Variants in KIAA1217 observed in about 807,000 individuals in gnomAD.
KIAA1217 encodes KIAA1217.
Under a neutral mutation model 163.9 loss-of-function variants are expected in KIAA1217, and 88 were observed. The ratio of observed to expected loss-of-function variants is 0.54; its 90% CI spans 0.45 to 0.64. The LOEUF (loss-of-function observed/expected upper bound fraction) is 0.64, where lower values mean the gene tolerates loss of function less well. Ranked by LOEUF, KIAA1217 falls within the 30% of genes least tolerant of loss-of-function variation. KIAA1217 has a pLI of 0.00. For missense variants in KIAA1217, 2,372 were observed against 2,475.0 expected, an observed-to-expected ratio of 0.96 and a Z score of 0.88; for synonymous variants, 903 against 923.1, an observed-to-expected ratio of 0.98 and a Z score of 0.39.
intron 2 of KIAA1217, among the ~76,000 whole-genome samples, chr10:24,347,606 T>C (rs1452021343): frequency 6.6e-6 from 1 of 152,202 alleles, no homozygotes; most frequent in Non-Finnish European, 1.5e-5. Flanking sequence ...ATATTTTGTT[T>C]TCATAGCTGG....
intron 1 of KIAA1217, among the ~76,000 whole-genome samples, chr10:23,832,928 C>A (rs1838279556): frequency 6.6e-6 from 1 of 152,046 alleles, no homozygotes; most frequent in Admixed American, 6.6e-5. Flanking sequence ...TGAAAAACGT[C>A]CGATCTCATG....
intron 2 of KIAA1217, among the ~76,000 whole-genome samples, chr10:24,304,956 G>A (rs1366828022): frequency 1.3e-5 from 2 of 152,076 alleles, no homozygotes; most frequent in African/African-American, 4.8e-5. Context: ...AGAGCCCAGG[G>A]TACAGTGATG....
chr10:24,234,341 T>C (rs2071878227), intron 2 of KIAA1217, among the ~76,000 whole-genome samples: 2 of 151,894 alleles, frequency 1.3e-5, no homozygotes, highest in African/African-American at 4.8e-5. Context: ...TTACTCAACC[T>C]GTAATGAGCG....
At chr10:24,377,069 G>C (rs760094280) in intron 2 of KIAA1217, among the ~76,000 whole-genome samples, 19 of 152,166 alleles carry the variant, frequency 1.2e-4, no homozygotes, top group Non-Finnish European at 5.9e-5. Context: ...GGAGAGAGCT[G>C]CATTGAGCCA....
intron 2 of KIAA1217, among the ~76,000 whole-genome samples, chr10:24,196,195 CTTACA>C (rs2066983143): frequency 6.6e-6 from 1 of 151,208 alleles, no homozygotes; most frequent in African/African-American, 2.5e-5. Flanking sequence ...TTGGAGCATA[CTTACA>C]TTAAAGGCTT....
intron 2 of KIAA1217, among the ~76,000 whole-genome samples, chr10:24,323,112 G>T (rs1044825658): frequency 1.6e-5 from 2 of 122,512 alleles, no homozygotes; most frequent in South Asian, 6.6e-4. Context: ...ACCATGCCCA[G>T]CTAATTAAAA....
At chr10:24,336,438 A>C (rs2046366629) in intron 2 of KIAA1217, among the ~76,000 whole-genome samples, 1 of 152,196 alleles carries the variant, frequency 6.6e-6, no homozygotes, top group Non-Finnish European at 1.5e-5. Flanking sequence ...CAACATAAGC[A>C]CTGTAGAGTG....
At chr10:24,056,069 A>C (rs1218706464) in intron 2 of KIAA1217, among the ~76,000 whole-genome samples, 1 of 152,214 alleles carries the variant, frequency 6.6e-6, no homozygotes, top group Non-Finnish European at 1.5e-5. Context: ...CAAAGGACTA[A>C]GTGAAAGTTG....
At chr10:24,008,964 C>T (rs1014450321) in intron 2 of KIAA1217, among the ~76,000 whole-genome samples, 15 of 152,144 alleles carry the variant, frequency 9.9e-5, no homozygotes, top group African/African-American at 3.6e-4. Context: ...TGCGCTTTAG[C>T]GTTGTACAAG....
Position 24,216,576 on chromosome 10 carries a change from C to T in KIAA1217, c.71-3050C>T, listed in dbSNP as rs914543180. The stretch of plus-strand genomic sequence containing the variant: ...GTGTGATGGCTCATACTTGTAATCC[C>T]GGCACTTTGGGAGGCTGAGGTGGGC... On this transcript the variant is annotated intron_variant, in intron 1 of 20. Coordinates refer to ENST00000376454, the MANE Select transcript of KIAA1217 (RefSeq NM_019590.5). 9.2e-5 allele frequency among the ~76,000 whole-genome samples: 14 copies of T among 152,056 alleles called. No homozygotes were observed. In the East Asian group the frequency reaches 1.2e-3, roughly 13 times the overall value.
At chr10:24,281,643 A>G (rs150097972) in intron 2 of KIAA1217, among the ~76,000 whole-genome samples, 1 of 152,254 alleles carries the variant, frequency 6.6e-6, no homozygotes, top group East Asian at 1.9e-4. Context: ...TATTTTGTAG[A>G]ATCTCCTTCA....
intron 6 of KIAA1217, among the ~76,000 whole-genome samples, chr10:24,487,139 C>T (rs963090790): frequency 2.6e-5 from 4 of 152,226 alleles, no homozygotes; most frequent in African/African-American, 4.8e-5. Flanking sequence ...CTTCTCCCTC[C>T]GGATAAATTC....
chr10:24,274,435 G>A (rs1252026617), intron 2 of KIAA1217, among the ~76,000 whole-genome samples: 2 of 151,604 alleles, frequency 1.3e-5, no homozygotes, highest in African/African-American at 2.4e-5. Context: ...GTTAGAAATT[G>A]TCAAGTTCTC....
chr10:24,340,241 T>C (rs995322401), intron 2 of KIAA1217, among the ~76,000 whole-genome samples: 1 of 152,202 alleles, frequency 6.6e-6, no homozygotes, highest in Non-Finnish European at 1.5e-5. Context: ...CATTTTGAAT[T>C]GTAGCTCCCA....
At chr10:23,925,758 G>A (rs532011579) in intron 1 of KIAA1217, among the ~76,000 whole-genome samples, 16 of 152,262 alleles carry the variant, frequency 1.1e-4, no homozygotes, top group African/African-American at 3.9e-4. Flanking sequence ...TCTGGTCCCT[G>A]TCTCTTTCCA....
chr10:24,355,805 G>A (rs1437721761), intron 2 of KIAA1217, among the ~76,000 whole-genome samples: 5 of 120,550 alleles, frequency 4.1e-5, no homozygotes, highest in Non-Finnish European at 6.4e-5. Context: ...CTGGAGTACA[G>A]TGGCCCGATC....
intron 2 of KIAA1217, among the ~76,000 whole-genome samples, chr10:24,034,035 CATTGGT>C: frequency 6.6e-6 from 1 of 152,230 alleles, no homozygotes; most frequent in Non-Finnish European, 1.5e-5. Flanking sequence ...TGAAGTAGGA[CATTGGT>C]ATTTTATAGC....
At chr10:24,330,400 A>C (rs939730236) in intron 2 of KIAA1217, among the ~76,000 whole-genome samples, 5 of 152,158 alleles carry the variant, frequency 3.3e-5, no homozygotes, top group African/African-American at 1.2e-4. Flanking sequence ...AGAGGACGTA[A>C]AAGGAGATCA....
chr10:24,341,021 T>G (rs1312216667), intron 2 of KIAA1217, among the ~76,000 whole-genome samples: 1 of 151,092 alleles, frequency 6.6e-6, no homozygotes, highest in Non-Finnish European at 1.5e-5. Context: ...TTTTTCTCTC[T>G]GATTGCTTTG....
Sources: gnomAD v4.1 joint callset for allele counts (sites outside exome capture counted in the v4.1 genomes callset) on GRCh38, gnomAD v4.1.1 for gene constraint, MANE v1.5 for transcripts, NCBI Gene and HGNC (gene_info 2026-07-23, HGNC 2026-07-21) for gene names.